Variants in CADM2 observed in about 807,000 individuals in gnomAD.
The protein encoded by CADM2 is cell adhesion molecule 2.
In CADM2, 12 loss-of-function variants were observed where a neutral mutation model predicts 49.8. The ratio of observed to expected loss-of-function variants is 0.24; its 90% confidence interval spans 0.15 to 0.39. The LOEUF is 0.39. Among genes scored for constraint, CADM2 ranks in the 10% least tolerant of loss-of-function variants. The pLI is 1.00. For missense variants in CADM2, 378 were observed against 492.3 expected, an observed-to-expected ratio of 0.77 and a Z score of 2.20; for synonymous variants, 214 against 175.4, an observed-to-expected ratio of 1.22 and a Z score of -1.74.
intron 1 of CADM2, among the ~76,000 whole-genome samples, chr3:85,338,736 C>T (rs1361678135): frequency 1.3e-5 from 2 of 151,214 alleles, no homozygotes; most frequent in African/African-American, 2.4e-5. Flanking sequence ...TTCTTTTCAC[C>T]GAACAACAGG....
At chr3:85,540,746 C>T (rs953401940) in intron 1 of CADM2, among the ~76,000 whole-genome samples, 2 of 152,250 alleles carry the variant, frequency 1.3e-5, no homozygotes, top group Non-Finnish European at 2.9e-5. Context: ...GAAAATACCA[C>T]ATACTGGATA....
chr3:85,684,990 G>A (rs79919836), intron 1 of CADM2, among the ~76,000 whole-genome samples: 2,197 of 152,142 alleles, frequency 0.014, 66 homozygotes, highest in South Asian at 0.11. Flanking sequence ...TCGGCCGGGC[G>A]CGGTAGCTCT....
intron 2 of CADM2, among the ~76,000 whole-genome samples, chr3:85,789,352 C>A (rs2071192974): frequency 6.6e-6 from 1 of 152,158 alleles, no homozygotes; most frequent in Non-Finnish European, 1.5e-5. Context: ...AGTTCTAGAT[C>A]TTACTCATTC....
intron 3 of CADM2, among the ~76,000 whole-genome samples, chr3:85,835,149 C>G (rs1453141716): frequency 1.3e-5 from 2 of 151,462 alleles, no homozygotes; most frequent in Non-Finnish European, 3.0e-5. Flanking sequence ...TTAAATAAGG[C>G]TTTAATCTGC....
chr3:85,845,880 T>C (rs1312042805), intron 3 of CADM2, among the ~76,000 whole-genome samples: 1 of 152,140 alleles, frequency 6.6e-6, no homozygotes, highest in Non-Finnish European at 1.5e-5. Context: ...GCTTTGGTGG[T>C]GGTGGCTCTG....
chr3:85,122,638 A>G (rs2038905026), intron 1 of CADM2, among the ~76,000 whole-genome samples: 1 of 152,092 alleles, frequency 6.6e-6, no homozygotes, highest in African/African-American at 2.4e-5. Flanking sequence ...TCATATTCAT[A>G]TATATGTGTA....
chr3:85,838,309 A>T (rs2074490439), intron 3 of CADM2, among the ~76,000 whole-genome samples: 1 of 151,816 alleles, frequency 6.6e-6, no homozygotes, highest in African/African-American at 2.4e-5. Flanking sequence ...AAGAAAAAAT[A>T]AAAATGTAGG....
chr3:85,746,946 C>T (rs1323055191), intron 2 of CADM2, among the ~76,000 whole-genome samples: 1 of 152,076 alleles, frequency 6.6e-6, no homozygotes, highest in Non-Finnish European at 1.5e-5. Flanking sequence ...GTTCGTTTTC[C>T]TCTAATTTTT....
At chr3:85,929,018 C>T (rs992211592) in intron 6 of CADM2, among the ~76,000 whole-genome samples, 42 of 152,058 alleles carry the variant, frequency 2.8e-4, no homozygotes, top group African/African-American at 1.0e-3. Context: ...CAAAAAATAT[C>T]TGAGTTTCAC....
chr3:85,384,897 T>A (rs2034130903), intron 1 of CADM2, among the ~76,000 whole-genome samples: 1 of 152,098 alleles, frequency 6.6e-6, no homozygotes, highest in Non-Finnish European at 1.5e-5. Flanking sequence ...AATGTTTTCC[T>A]ATATCCTCCA....
At chr3:85,952,338 T>C (rs1226896552) in intron 7 of CADM2, among the ~76,000 whole-genome samples, 1 of 150,978 alleles carries the variant, frequency 6.6e-6, no homozygotes. Flanking sequence ...TAAGTGAGTG[T>C]ATTCTAAGAT....
chr3:85,945,301 A>G (rs1218964087), intron 7 of CADM2, among the ~76,000 whole-genome samples: 1 of 152,154 alleles, frequency 6.6e-6, no homozygotes, highest in Non-Finnish European at 1.5e-5. Flanking sequence ...TTACCAACAA[A>G]AAAAAGTCCC....
rs9834745 is a variant in CADM2 at position 85,222,038 on chromosome 3, A to C, written c.61+262370A>C. Among the ~76,000 whole-genome samples the C allele has an allele frequency of 4.9e-3, 743 of 152,320 alleles. 5 individuals carry two copies. The highest frequency in any genetic ancestry group is 0.024 in the Middle Eastern group (7 of 294). On this transcript the variant is annotated intron_variant, in intron 1 of 9. Transcript: ENST00000383699. ...TATTTAGAAGACAAAATTATTATTGAAGAATAATAGTCCATGAGATAAAAA... is the reference window on the plus strand; with the variant it reads ...TATTTAGAAGACAAAATTATTATTGCAGAATAATAGTCCATGAGATAAAAA...
At chr3:85,950,670 G>T (rs1723321018) in intron 7 of CADM2, among the ~76,000 whole-genome samples, 2 of 151,186 alleles carry the variant, frequency 1.3e-5, no homozygotes, top group South Asian at 4.2e-4. Flanking sequence ...GAGGCAAGAA[G>T]TGCCTTAAAA....
intron 3 of CADM2, among the ~76,000 whole-genome samples, chr3:85,847,448 A>G (rs951853445): frequency 1.3e-5 from 2 of 152,190 alleles, no homozygotes; most frequent in African/African-American, 4.8e-5. Context: ...TCAGAATTGA[A>G]GCTTTAAAGT....
Position 86,071,841 on chromosome 3 carries a change from T to C in CADM2, c.*5058T>C, listed in dbSNP as rs1232096045. 6.6e-6 allele frequency: 1 copy of C among 151,982 alleles called. No individual in the cohort carries two copies. Among genetic ancestry groups the C allele is most frequent in the Non-Finnish European group, 1.5e-5 (1 of 67,902 alleles). The allele number at this position is 151,982 out of a possible 1,614,324, so 9.4% of individuals were successfully genotyped here. A position where few individuals can be genotyped will look rare whatever the true frequency, so the allele number is the denominator to read the frequency against. ...ATATTTCAATGTTAATATAATTGTA[T>C]TGGTTTTTAAAAATAATTAAAATGG... On this transcript the variant is annotated 3_prime_UTR_variant, in exon 10 of 10. Transcript: ENST00000383699.
In CADM2 at chr3:84,959,767, T is replaced by A; in HGVS notation, c.61+99T>A. The stretch of plus-strand genomic sequence containing the variant: ...CCACTCTCCCCTCCCAGTCTCCCTG[T>A]CCCCAGCGATTTCCACCCCCTCCCC... On this transcript the variant is annotated intron_variant, in intron 1 of 9. Transcript: ENST00000383699. 2.6e-6 allele frequency: 3 copies of A among 1,158,900 alleles called. No homozygotes were observed. In the South Asian group the frequency reaches 4.0e-5, roughly 16 times the overall value. 71.8% of individuals were successfully genotyped at this position (1,158,900 alleles called of 1,614,324 possible).
chr3:85,997,757 GATGAA>G (rs1729609086), intron 8 of CADM2, among the ~76,000 whole-genome samples: 1 of 152,088 alleles, frequency 6.6e-6, no homozygotes, highest in Non-Finnish European at 1.5e-5. Context: ...GCTGTTATAA[GATGAA>G]ATGAACACAC....
At chr3:85,212,567 A>G (rs1401116451) in intron 1 of CADM2, among the ~76,000 whole-genome samples, 1 of 152,176 alleles carries the variant, frequency 6.6e-6, no homozygotes, top group Non-Finnish European at 1.5e-5. Context: ...CAAAGAGGAA[A>G]CTAATAAAAA....
Sources: allele counts gnomAD v4.1 joint callset (sites outside exome capture counted in the v4.1 genomes callset), GRCh38; gene constraint gnomAD v4.1.1; transcripts MANE v1.5; gene names NCBI Gene and HGNC (gene_info 2026-07-23, HGNC 2026-07-21).